Variants in ZNF782 observed in about 807,000 individuals in gnomAD.
ZNF782 encodes zinc finger protein 782.
A neutral mutation model predicts 13.0 loss-of-function variants in ZNF782; 12 were observed. The ratio of observed to expected loss-of-function variants is 0.92; its 90% confidence interval spans 0.59 to 1.50. ZNF782 has a LOEUF of 1.50. ZNF782 is among the 40% of genes most tolerant of loss of function. The pLI, the probability that ZNF782 is intolerant of heterozygous loss-of-function variation, is 0.00. For synonymous variants in ZNF782, 284 were observed against 283.0 expected, an observed-to-expected ratio of 1.00 and a Z score of -0.04; for missense variants, 770 against 822.9, an observed-to-expected ratio of 0.94 and a Z score of 0.79.
chr9:96,875,570 T>A (rs1479535103), exon 1 of ZNF782: 4 of 456,636 alleles, frequency 8.8e-6, no homozygotes, highest in Non-Finnish European at 1.8e-5. Flanking sequence ...TCAACGTTTA[T>A]AAACGGGCTC....
intron 3 of ZNF782, among the ~76,000 whole-genome samples, chr9:96,845,701 A>G (rs1851324546): frequency 6.6e-6 from 1 of 152,252 alleles, no homozygotes; most frequent in Admixed American, 6.5e-5. Flanking sequence ...ATATGAAATT[A>G]TGTAAAATGG....
rs377476906 is a variant in ZNF782, at chr9:96,874,322, G to A, written c.-457+1146C>T. Among the ~76,000 whole-genome samples the A allele has an allele frequency of 7.2e-5, 11 of 152,302 alleles. No individual in the cohort carries two copies. In the South Asian group the frequency reaches 1.0e-3, roughly 14 times the overall value. On this transcript the variant is annotated intron_variant, in intron 1 of 5. Coordinates refer to the ZNF782 transcript ENST00000498811. Reference sequence around the variant, plus strand: ...ATAAACACCTTTCGTGAACCATCACGGTGGAATTCTGTGAGGTTAAGATAT... The same window carrying A: ...ATAAACACCTTTCGTGAACCATCACAGTGGAATTCTGTGAGGTTAAGATAT...
At chr9:96,920,347 A>C in the ZNF782 span, among the ~76,000 whole-genome samples, 1 of 149,336 alleles carries the variant, frequency 6.7e-6, no homozygotes, top group South Asian at 2.2e-4. Context: ...GCTCTCTGCA[A>C]GCTCTGCCTC....
intron 3 of ZNF782, among the ~76,000 whole-genome samples, chr9:96,849,809 A>T (rs1851438949): frequency 6.6e-6 from 1 of 152,168 alleles, no homozygotes; most frequent in Non-Finnish European, 1.5e-5. Context: ...CAAATAAACC[A>T]GCAAGAAAAA....
intron 3 of ZNF782, among the ~76,000 whole-genome samples, chr9:96,860,009 G>A (rs561595511): frequency 8.5e-5 from 13 of 152,140 alleles, no homozygotes; most frequent in African/African-American, 2.7e-4. Context: ...CTGTGATGAC[G>A]TCGTAGGTGG....
intron 1 of ZNF782, among the ~76,000 whole-genome samples, chr9:96,862,256 T>C (rs139637246): frequency 6.5e-4 from 99 of 152,326 alleles, no homozygotes; most frequent in African/African-American, 2.1e-3. Flanking sequence ...AGAGTAATGG[T>C]TAATAGGCAC....
chr9:96,931,217 G>A, the ZNF782 span, among the ~76,000 whole-genome samples: 5 of 151,800 alleles, frequency 3.3e-5, no homozygotes, highest in African/African-American at 1.2e-4. Context: ...GTTGTGTTGA[G>A]CTAGGAAAGA....
chr9:96,907,979 T>C, the ZNF782 span, among the ~76,000 whole-genome samples: 5 of 151,780 alleles, frequency 3.3e-5, no homozygotes, highest in Non-Finnish European at 7.4e-5. Context: ...TTATTTTTTA[T>C]CTGGGGGAAG....
chr9:96,866,612 A>G (rs1327074014), intron 1 of ZNF782, among the ~76,000 whole-genome samples: 1 of 152,202 alleles, frequency 6.6e-6, no homozygotes, highest in Admixed American at 6.5e-5. Context: ...TTGTGGAGCT[A>G]TGAGAAGAGG....
chr9:96,931,919 G>C, the ZNF782 span: 26 of 1,611,954 alleles, frequency 1.6e-5, no homozygotes, highest in Non-Finnish European at 2.2e-5. Context: ...GGATGGCCGC[G>C]GCCCAAGTGG....
chr9:96,846,013 C>A (rs1389116496), intron 3 of ZNF782, among the ~76,000 whole-genome samples: 2 of 152,154 alleles, frequency 1.3e-5, no homozygotes, highest in Non-Finnish European at 2.9e-5. Context: ...TCAGCAGAAA[C>A]CTCACAAGAA....
upstream of ZNF782, among the ~76,000 whole-genome samples, chr9:96,877,114 G>A (rs1224954075): frequency 6.6e-6 from 1 of 151,958 alleles, no homozygotes. Context: ...TAATATCATA[G>A]GAACATCTTT....
the ZNF782 span, chr9:96,887,286 A>AAAGAAAGGAAGGAAGG: frequency 4.1e-5 from 5 of 121,940 alleles, no homozygotes; most frequent in East Asian, 9.7e-4. Context: ...TGCAAAAAAG[A>AAAGAAAGGAAGGAAGG]AAGGAAGGAA....
intron 3 of ZNF782, among the ~76,000 whole-genome samples, chr9:96,847,387 G>C (rs142531945): frequency 9.2e-5 from 14 of 152,098 alleles, no homozygotes; most frequent in East Asian, 3.9e-4. Flanking sequence ...CAAAAAAGCT[G>C]GTTCCTGAAA....
At chr9:96,871,519 G>T (rs376147187) in intron 1 of ZNF782, among the ~76,000 whole-genome samples, 1 of 152,054 alleles carries the variant, frequency 6.6e-6, no homozygotes, top group Non-Finnish European at 1.5e-5. Flanking sequence ...ATCTGCTATC[G>T]TCAAGAAGGA....
chr9:96,817,784 T>G lies in ZNF782; in HGVS notation c.*139A>C. The G allele has an allele frequency of 1.4e-6, 1 of 698,826 alleles. No individual in the cohort carries two copies. Among genetic ancestry groups the G allele is most frequent in the Non-Finnish European group, 2.2e-6 (1 of 448,398 alleles). The allele number at this position is 698,826 out of a possible 1,614,324, so 43.3% of individuals were successfully genotyped here. On this transcript the variant is annotated 3_prime_UTR_variant, in exon 6 of 6. Coordinates refer to ENST00000481138, the MANE Select transcript of ZNF782 (RefSeq NM_001001662.3). The stretch of plus-strand genomic sequence containing the variant: ...TTTCAACAATTTATCTTCTATTCTT[T>G]GATATTTGGTGGAGGCTGAAATTGT...
intron 1 of ZNF782, among the ~76,000 whole-genome samples, chr9:96,868,502 GGT>G (rs1473687929): frequency 1.3e-5 from 2 of 152,100 alleles, no homozygotes; most frequent in Non-Finnish European, 2.9e-5. Flanking sequence ...TATTTATAAG[GGT>G]TTTCTCCCTT....
At chr9:96,860,049 A>G (rs1025984118) in intron 3 of ZNF782, among the ~76,000 whole-genome samples, 2 of 151,976 alleles carry the variant, frequency 1.3e-5, no homozygotes, top group African/African-American at 4.8e-5. Context: ...GGGAGAGGGG[A>G]GGGGAGAGTG....
upstream of ZNF782, among the ~76,000 whole-genome samples, chr9:96,880,433 T>C (rs952469078): frequency 1.3e-5 from 2 of 152,144 alleles, no homozygotes; most frequent in African/African-American, 4.8e-5. Flanking sequence ...TGGTTCCTCG[T>C]TTTTTAGGTT....
Sources: allele counts gnomAD v4.1 joint callset (sites outside exome capture counted in the v4.1 genomes callset), GRCh38; gene constraint gnomAD v4.1.1; transcripts MANE v1.5; gene names NCBI Gene and HGNC (gene_info 2026-07-23, HGNC 2026-07-21).